The following OPA1 variants were observed in gnomAD, a reference collection of about 807,000 sequenced individuals.
OPA1 encodes OPA1 mitochondrial dynamin like GTPase, also known as dynamin-like GTPase OPA1, mitochondrial.
OPA1 carries 59 observed loss-of-function variants against 152.9 expected under a neutral mutation model. The ratio of observed to expected loss-of-function variants is 0.39; its 90% confidence interval spans 0.31 to 0.48. OPA1 has a LOEUF of 0.48. Among genes scored for constraint, OPA1 ranks in the 20% least tolerant of loss-of-function variants. The pLI, the probability that OPA1 is intolerant of heterozygous loss-of-function variation, is 0.96. For synonymous variants in OPA1, 400 were observed against 389.9 expected, an observed-to-expected ratio of 1.03 and a Z score of -0.31; for missense variants, 1,008 against 1,216.8, an observed-to-expected ratio of 0.83 and a Z score of 2.55.
At chr3:193,641,682 T>G (rs921076652) in intron 11 of OPA1, among the ~76,000 whole-genome samples, 1 of 152,232 alleles carries the variant, frequency 6.6e-6, no homozygotes. Flanking sequence ...TGTTTATTGT[T>G]TTTAAATTTA....
At chr3:193,614,154 G>T (rs1314881690) in intron 1 of OPA1, among the ~76,000 whole-genome samples, 1 of 152,202 alleles carries the variant, frequency 6.6e-6, no homozygotes, top group Non-Finnish European at 1.5e-5. Context: ...CCAGGTGCTT[G>T]AGTTGGGATT....
At chr3:193,684,290 A>G (rs747855443) in intron 29 of OPA1, among the ~76,000 whole-genome samples, 3 of 152,164 alleles carry the variant, frequency 2.0e-5, no homozygotes, top group Non-Finnish European at 4.4e-5. Context: ...GATAAAATAC[A>G]TAGTATCCAG....
chr3:193,660,787 G>A lies in OPA1; in HGVS notation c.2520+1226G>A, dbSNP rs1249704083. 3.9e-5 allele frequency among the ~76,000 whole-genome samples: 6 copies of A among 152,166 alleles called. No individual in the cohort carries two copies. In the South Asian group the frequency reaches 1.0e-3, roughly 26 times the overall value. On this transcript the variant is annotated intron_variant, in intron 25 of 30. Coordinates refer to ENST00000361510, the MANE Select transcript of OPA1 (RefSeq NM_130837.3). ...GAGGAAGCAGACAGTTAGTGATTGGGTCATGCATGTGTTCAGGGTGCGTTG... is the reference window on the plus strand; with the variant it reads ...GAGGAAGCAGACAGTTAGTGATTGGATCATGCATGTGTTCAGGGTGCGTTG...
At chr3:193,656,633 A>G (rs1269298158) in intron 22 of OPA1, among the ~76,000 whole-genome samples, 1 of 152,196 alleles carries the variant, frequency 6.6e-6, no homozygotes, top group African/African-American at 2.4e-5. Context: ...CTCATGTCTT[A>G]GAGGTTGAAA....
At chr3:193,667,691 A>AAT (rs397875453) in intron 29 of OPA1, among the ~76,000 whole-genome samples, 27 of 149,826 alleles carry the variant, frequency 1.8e-4, no homozygotes, top group Non-Finnish European at 2.7e-4. Context: ...AAAAAAAAAA[A>AAT]GTTACAAGGA....
At chr3:193,626,754 AAGTC>A (rs1309875609) in intron 7 of OPA1, among the ~76,000 whole-genome samples, 1 of 152,190 alleles carries the variant, frequency 6.6e-6, no homozygotes, top group Admixed American at 6.5e-5. Context: ...ACATTAATCA[AAGTC>A]AGCACAAATA....
At chr3:193,683,798 C>T (rs996294478) in intron 29 of OPA1, among the ~76,000 whole-genome samples, 12 of 152,166 alleles carry the variant, frequency 7.9e-5, no homozygotes, top group African/African-American at 2.9e-4. Context: ...TGCTATTACA[C>T]ACTTAATATA....
intron 29 of OPA1, among the ~76,000 whole-genome samples, chr3:193,678,558 C>T (rs1326262429): frequency 6.6e-6 from 1 of 152,116 alleles, no homozygotes; most frequent in East Asian, 1.9e-4. Context: ...TTTTAATTTC[C>T]CATCGCTCAG....
rs1295504759 is a variant in OPA1 at position 193,695,352 on chromosome 3, T to A, written c.*752T>A. On this transcript the variant is annotated 3_prime_UTR_variant, in exon 31 of 31. Transcript: ENST00000361510. ...TTGTATACTTACGTTAGGCTTTCTG[T>A]TAATAGTGGTTTTTCTCCTGTTGAC... The A allele has an allele frequency of 6.6e-6, 1 of 152,166 alleles. No individual in the cohort carries two copies. The highest frequency in any genetic ancestry group is 1.9e-4 in the East Asian group (1 of 5,200). The allele number at this position is 152,166 out of a possible 1,614,324, so 9.4% of individuals were successfully genotyped here.
chr3:193,607,016 A>G (rs1253982114), intron 1 of OPA1, among the ~76,000 whole-genome samples: 1 of 152,204 alleles, frequency 6.6e-6, no homozygotes, highest in African/African-American at 2.4e-5. Context: ...TCTGATGGCC[A>G]GTGATGATGA....
At chr3:193,604,595 T>A (rs572587497) in intron 1 of OPA1, among the ~76,000 whole-genome samples, 3 of 152,196 alleles carry the variant, frequency 2.0e-5, no homozygotes, top group Non-Finnish European at 4.4e-5. Context: ...GCATGGTGGC[T>A]AACGCCTGTA....
chr3:193,612,387 A>G (rs1241233426), intron 1 of OPA1, among the ~76,000 whole-genome samples: 1 of 151,316 alleles, frequency 6.6e-6, no homozygotes, highest in African/African-American at 2.4e-5. Context: ...TCCGAGTTAG[A>G]TCAGTCAAAG....
At chr3:193,613,975 T>C (rs752790775) in intron 1 of OPA1, 2 of 519,012 alleles carry the variant, frequency 3.9e-6, no homozygotes, top group African/African-American at 1.9e-5. Flanking sequence ...AAGCAACTAA[T>C]AGTAAGCAAG....
At chr3:193,659,261 T>C (rs373481981) in intron 24 of OPA1, among the ~76,000 whole-genome samples, 3 of 152,220 alleles carry the variant, frequency 2.0e-5, no homozygotes, top group Non-Finnish European at 2.9e-5. Context: ...ACTGTACTTA[T>C]AGGAATTTTA....
Position 193,664,946 on chromosome 3 carries a change from C to A in OPA1, c.2728C>A (p.Leu910Ile), listed in dbSNP as rs753938624. The A allele has an allele frequency of 1.2e-6, 2 of 1,609,352 alleles. No individual in the cohort carries two copies. The highest frequency in any genetic ancestry group is 2.2e-5 in the South Asian group (2 of 90,798). ...AAAAACAGCTCTAAACCATTGTAAC[C>A]TTTGTCGAAGAGGTTTTTATTACTA... The part of the protein sequence containing the change: ...FLKTALNHCN[L>I]CRRGFYYYQR... Residue 910 changes from leucine (L) to isoleucine (I), a missense_variant, in exon 27 of 31, where the codon CTT (leucine) becomes ATT (isoleucine). Physicochemically the swap from Leu to Ile is conservative, Grantham distance 5. Around this residue, in one of 7 missense-constraint regions of OPA1, gnomAD observed 137 missense variants for 171.0 expected, o/e 0.80. Coordinates refer to ENST00000361510, the MANE Select transcript of OPA1 (RefSeq NM_130837.3).
At chr3:193,656,899 C>T (rs1713970966) in intron 22 of OPA1, among the ~76,000 whole-genome samples, 181 bp from the exon 23 acceptor site, 2 of 152,286 alleles carry the variant, frequency 1.3e-5, no homozygotes, top group South Asian at 4.1e-4. Context: ...TCCCCAGCAA[C>T]CCGTGTGAGA....
chr3:193,641,095 T>C (rs952198909), intron 11 of OPA1, among the ~76,000 whole-genome samples: 7 of 152,212 alleles, frequency 4.6e-5, no homozygotes, highest in African/African-American at 1.7e-4. Context: ...ACACCTCATA[T>C]CCTGTTCAAT....
chr3:193,663,622 A>G (rs1160571551), intron 26 of OPA1, among the ~76,000 whole-genome samples: 1 of 152,148 alleles, frequency 6.6e-6, no homozygotes, highest in Non-Finnish European at 1.5e-5. Context: ...ATATTAGCTT[A>G]AGTGAACACA....
In OPA1 at chr3:193,658,917, C is replaced by T. The variant is rs1553784985; in HGVS notation, c.2362C>T (p.Arg788Ter). The T allele has an allele frequency of 6.2e-7, 1 of 1,613,724 alleles. No homozygotes were observed. The highest frequency in any genetic ancestry group is 1.7e-5 in the Admixed American group (1 of 60,016). The change falls in exon 24 of 31, where the codon CGA becomes TGA. Residue 788 changes from arginine (R) to a stop codon, truncating the protein, a stop_gained. Transcript: ENST00000361510. LOFTEE classifies it high-confidence loss of function. ...RVIQHNALED[R>*]SISDKQQWDA... ...TATTCAACACAATGCTTTGGAAGAC[C>T]GATCCATATCTGATAAACAGCAATG...
Sources: gnomAD v4.1 joint callset for allele counts (sites outside exome capture counted in the v4.1 genomes callset) on GRCh38, gnomAD v4.1.1 for gene constraint, gnomAD v4.1.1 regional missense constraint, MANE v1.5 for transcripts, NCBI Gene and HGNC (gene_info 2026-07-23, HGNC 2026-07-21) for gene names.